Variants in SYTL3 observed in about 807,000 individuals in gnomAD.
SYTL3 encodes synaptotagmin-like protein 3.
Under a neutral mutation model 82.1 loss-of-function variants are expected in SYTL3, and 88 were observed. That is an observed-to-expected ratio of 1.07 (90% CI 0.90 to 1.28). The LOEUF is 1.28. Among genes scored for constraint, SYTL3 ranks in the 50% most tolerant of loss-of-function variants. The pLI is 0.00. For missense variants in SYTL3, 831 were observed against 757.6 expected (o/e 1.10, Z -1.14); for synonymous variants, 311 against 289.4 (o/e 1.07, Z -0.76).
chr6:158,741,718 TTTG>T lies in SYTL3; in HGVS notation c.856-3754_856-3752del, dbSNP rs138020155. On this transcript the variant is annotated intron_variant, in intron 11 of 17. Transcript: ENST00000611299. ...ACATCACAATCTGATTGAGAAATGG[TTTG>T]TTGTTGTGCAGAATAAGAGAAGACA... Among the ~76,000 whole-genome samples the T allele has an allele frequency of 4.8e-3, 735 of 152,248 alleles. 19 individuals carry two copies. In the East Asian group the frequency reaches 0.062, roughly 13 times the overall value.
At chr6:158,672,558 T>TTTC (rs1777519213) in intron 5 of SYTL3, among the ~76,000 whole-genome samples, 1 of 121,036 alleles carries the variant, frequency 8.3e-6, no homozygotes, top group South Asian at 2.6e-4. Flanking sequence ...TTTTGTTTCT[T>TTTC]TTTTTTTTTT....
chr6:158,681,839 C>T (rs1458059818), intron 5 of SYTL3, among the ~76,000 whole-genome samples: 2 of 152,226 alleles, frequency 1.3e-5, no homozygotes, highest in Non-Finnish European at 2.9e-5. Flanking sequence ...TTAGCTTAAC[C>T]TACAGCTGAT....
chr6:158,713,704 C>A, intron 8 of SYTL3, 96 bp from the exon 9 acceptor site: 1 of 857,468 alleles, frequency 1.2e-6, no homozygotes, highest in Non-Finnish European at 1.9e-6. Context: ...CACACACCCA[C>A]ATGCCAGTGT....
chr6:158,757,170 C>A, intron 13 of SYTL3, 41 bp from the exon 14 acceptor site: 3 of 1,580,262 alleles, frequency 1.9e-6, no homozygotes, highest in South Asian at 1.1e-5. Context: ...GGAGTGCGGG[C>A]CCCGGGAGCC....
intron 6 of SYTL3, among the ~76,000 whole-genome samples, chr6:158,704,419 G>A (rs1781727184): frequency 6.6e-6 from 1 of 152,266 alleles, no homozygotes; most frequent in African/African-American, 2.4e-5. Context: ...TGCAGGAGCC[G>A]CAGCGGGGAC....
At chr6:158,705,420 C>A (rs962594887) in intron 6 of SYTL3, among the ~76,000 whole-genome samples, 34 of 138,732 alleles carry the variant, frequency 2.5e-4, no homozygotes, top group African/African-American at 7.1e-4. Flanking sequence ...ACAGGAGGAA[C>A]CCGGGGCAGG....
chr6:158,688,499 A>T (rs994582508), intron 6 of SYTL3, among the ~76,000 whole-genome samples: 7 of 152,214 alleles, frequency 4.6e-5, no homozygotes, highest in African/African-American at 1.4e-4. Context: ...TCAGTGGCTC[A>T]TGCCTGTAAT....
chr6:158,707,216 G>T lies in SYTL3; in HGVS notation c.395-14G>T, dbSNP rs2128454395. The T allele has an allele frequency of 6.2e-7, 1 of 1,613,446 alleles. No individual in the cohort carries two copies. Among genetic ancestry groups the T allele is most frequent in the South Asian group, 1.1e-5 (1 of 91,066 alleles). On this transcript the variant is annotated splice_polypyrimidine_tract_variant and intron_variant, in intron 6 of 17. Coordinates refer to ENST00000611299, the MANE Select transcript of SYTL3 (RefSeq NM_001242394.2). Reference sequence around the variant, plus strand: ...TTCTTAATAATAAACGCCCTCTATGGATATCTCTCGCAGGCAAACATGAGA... The same window carrying T: ...TTCTTAATAATAAACGCCCTCTATGTATATCTCTCGCAGGCAAACATGAGA...
At chr6:158,693,847 T>TTAC (rs1780232673) in intron 6 of SYTL3, among the ~76,000 whole-genome samples, 3 of 82,524 alleles carry the variant, frequency 3.6e-5, no homozygotes, top group African/African-American at 9.7e-5. Context: ...AGCCTTTCTT[T>TTAC]TTCTTTTCTT....
intron 14 of SYTL3, among the ~76,000 whole-genome samples, chr6:158,758,988 C>T (rs968932301): frequency 3.5e-4 from 53 of 152,330 alleles, no homozygotes; most frequent in African/African-American, 1.1e-3. Flanking sequence ...GCTCTGTCAT[C>T]TCTCAGAACA....
intron 13 of SYTL3, among the ~76,000 whole-genome samples, chr6:158,755,961 C>T (rs190050532): frequency 2.3e-4 from 35 of 152,250 alleles, no homozygotes; most frequent in Admixed American, 2.2e-3. Context: ...TTTTTTTTCA[C>T]CTGCAACATG....
At chr6:158,675,010 A>T (rs1777867115) in intron 5 of SYTL3, among the ~76,000 whole-genome samples, 1 of 152,028 alleles carries the variant, frequency 6.6e-6, no homozygotes, top group Admixed American at 6.6e-5. Context: ...GTACATATGT[A>T]GAAAGCTGAA....
intron 6 of SYTL3, among the ~76,000 whole-genome samples, chr6:158,697,352 A>G (rs1780668539): frequency 6.7e-6 from 1 of 148,680 alleles, no homozygotes; most frequent in Non-Finnish European, 1.5e-5. Context: ...TGGGAGGCTG[A>G]GGTGGGAGGA....
intron 2 of SYTL3, among the ~76,000 whole-genome samples, chr6:158,657,528 A>G (rs945799884): frequency 1.3e-5 from 2 of 152,144 alleles, no homozygotes; most frequent in Non-Finnish European, 2.9e-5. Flanking sequence ...AAAAACCTGA[A>G]AGATAATTTT....
intron 2 of SYTL3, among the ~76,000 whole-genome samples, chr6:158,658,340 G>A (rs372997981): frequency 1.3e-5 from 2 of 152,074 alleles, no homozygotes; most frequent in African/African-American, 2.4e-5. Flanking sequence ...GTTATTTGTC[G>A]CTGTGACAAT....
At chr6:158,664,499 C>T (rs753597168) in intron 4 of SYTL3, among the ~76,000 whole-genome samples, 2 of 152,100 alleles carry the variant, frequency 1.3e-5, no homozygotes, top group East Asian at 3.9e-4. Context: ...GCTGAGATCG[C>T]GCCACTGCAC....
At chr6:158,742,634 G>C (rs928500658) in intron 11 of SYTL3, among the ~76,000 whole-genome samples, 2 of 150,960 alleles carry the variant, frequency 1.3e-5, no homozygotes, top group East Asian at 1.9e-4. Flanking sequence ...GGAGTGCAGT[G>C]GTGTGATCTT....
intron 12 of SYTL3, among the ~76,000 whole-genome samples, chr6:158,747,656 T>A (rs985629425): frequency 6.6e-6 from 1 of 152,166 alleles, no homozygotes; most frequent in Non-Finnish European, 1.5e-5. Context: ...CTAGATTTTT[T>A]AACTTATTTT....
At chr6:158,736,775 C>A (rs1272749093) in intron 11 of SYTL3, among the ~76,000 whole-genome samples, 2 of 140,782 alleles carry the variant, frequency 1.4e-5, no homozygotes, top group Non-Finnish European at 3.0e-5. Flanking sequence ...GCGACAAGAG[C>A]GAGACTCTGT....
Sources: gnomAD v4.1 joint callset for allele counts (sites outside exome capture counted in the v4.1 genomes callset) on GRCh38, gnomAD v4.1.1 for gene constraint, MANE v1.5 for transcripts, NCBI Gene and HGNC (gene_info 2026-07-23, HGNC 2026-07-21) for gene names.